WWC2: variants seen among roughly 807,000 people sequenced by gnomAD.
WWC2 encodes the protein protein WWC2.
A neutral mutation model predicts 138.5 loss-of-function variants in WWC2; 101 were observed. The observed-to-expected ratio is 0.73, with a 90% confidence interval of 0.62 to 0.86. The LOEUF (loss-of-function observed/expected upper bound fraction) is 0.86. WWC2 is among the 40% of genes least tolerant of loss of function. The pLI, the probability that WWC2 is intolerant of heterozygous loss-of-function variation, is 0.00. For missense variants in WWC2, 1,420 were observed against 1,419.4 expected, an observed-to-expected ratio of 1.00 and a Z score of -0.01; for synonymous variants, 558 against 538.4, an observed-to-expected ratio of 1.04 and a Z score of -0.50.
intron 1 of WWC2, among the ~76,000 whole-genome samples, chr4:183,151,839 C>A (rs978833109): frequency 3.9e-5 from 6 of 152,196 alleles, no homozygotes; most frequent in Non-Finnish European, 8.8e-5. Flanking sequence ...TGTCAAAGAT[C>A]AGATGGTTGT....
chr4:183,187,548 G>A (rs1292723544), intron 1 of WWC2, among the ~76,000 whole-genome samples: 23 of 27,282 alleles, frequency 8.4e-4, no homozygotes, highest in African/African-American at 3.0e-3. Context: ...ACGAGACTCC[G>A]TCTCAAAATA....
At chr4:183,152,516 G>A (rs1329284787) in intron 1 of WWC2, among the ~76,000 whole-genome samples, 25 of 143,348 alleles carry the variant, frequency 1.7e-4, no homozygotes, top group Non-Finnish European at 2.9e-4. Flanking sequence ...AAAGAAAAAA[G>A]GTAAAGTGAA....
At chr4:183,232,352 A>G (rs1436144654) in intron 4 of WWC2, among the ~76,000 whole-genome samples, 1 of 152,146 alleles carries the variant, frequency 6.6e-6, no homozygotes, top group Non-Finnish European at 1.5e-5. Flanking sequence ...CCATTATTGC[A>G]ATCTAACTGT....
chr4:183,121,566 T>C (rs1310732932), intron 1 of WWC2, among the ~76,000 whole-genome samples: 1 of 152,134 alleles, frequency 6.6e-6, no homozygotes, highest in Non-Finnish European at 1.5e-5. Flanking sequence ...ATTTATAATT[T>C]TGATAGATTG....
chr4:183,288,543 TC>T (rs1303713489), intron 20 of WWC2, among the ~76,000 whole-genome samples: 5 of 152,132 alleles, frequency 3.3e-5, no homozygotes, highest in African/African-American at 1.2e-4. Flanking sequence ...TTCCCTGACT[TC>T]CTGTGCACTT....
At chr4:183,142,744 C>G (rs975230565) in intron 1 of WWC2, among the ~76,000 whole-genome samples, 5 of 152,174 alleles carry the variant, frequency 3.3e-5, no homozygotes, top group African/African-American at 1.2e-4. Context: ...ATGAGAAGCC[C>G]TGGACTAGAG....
chr4:183,178,631 A>C (rs1477628448), intron 1 of WWC2, among the ~76,000 whole-genome samples: 1 of 151,704 alleles, frequency 6.6e-6, no homozygotes, highest in African/African-American at 2.4e-5. Context: ...GAAGCACCAG[A>C]TACTTCCCCA....
intron 1 of WWC2, among the ~76,000 whole-genome samples, chr4:183,132,457 CTT>C (rs761800223): frequency 7.0e-5 from 10 of 142,508 alleles, no homozygotes; most frequent in Admixed American, 7.0e-5. Flanking sequence ...TTTTCTGTTT[CTT>C]TTTTTTTTTT....
intron 21 of WWC2, among the ~76,000 whole-genome samples, chr4:183,302,124 T>G (rs1345445488): frequency 6.6e-6 from 1 of 152,262 alleles, no homozygotes. Flanking sequence ...AAACACACAC[T>G]TTTATGCATA....
chr4:183,257,563 A>G (rs1309595399), intron 9 of WWC2, among the ~76,000 whole-genome samples: 1 of 152,184 alleles, frequency 6.6e-6, no homozygotes. Context: ...TTGGAGAAGA[A>G]CCTAGAGAGA....
In WWC2 at chr4:183,273,583, G is replaced by A. The variant is rs574945269; in HGVS notation, c.2562+2342G>A. Reference sequence around the variant, plus strand: ...CTCCCAAAGTGCTGGGATTACAGGCGTGAGCCACCGCACCCAGCCTGTTTA... The same window carrying A: ...CTCCCAAAGTGCTGGGATTACAGGCATGAGCCACCGCACCCAGCCTGTTTA... On this transcript the variant is annotated intron_variant, in intron 16 of 22. Transcript: ENST00000403733. Among the ~76,000 whole-genome samples, 373 of 152,248 alleles carry A rather than the reference G, an allele frequency of 2.4e-3. 1 individual carries two copies. The highest frequency in any genetic ancestry group is 8.7e-3 in the African/African-American group (360 of 41,568).
chr4:183,271,312 T>C, intron 16 of WWC2, 71 bp downstream of exon 16: 2 of 1,267,618 alleles, frequency 1.6e-6, no homozygotes, highest in Non-Finnish European at 1.0e-6. Flanking sequence ...ATGAAAGTAA[T>C]ATGAAATATG....
intron 2 of WWC2, among the ~76,000 whole-genome samples, chr4:183,200,047 G>A (rs1215209963): frequency 6.6e-6 from 1 of 152,098 alleles, no homozygotes; most frequent in Non-Finnish European, 1.5e-5. Context: ...GGTGGCTTTG[G>A]GAACCCTCTT....
intron 4 of WWC2, among the ~76,000 whole-genome samples, chr4:183,232,658 A>AT (rs886197434): frequency 6.6e-6 from 1 of 152,110 alleles, no homozygotes; most frequent in Middle Eastern, 3.4e-3. Flanking sequence ...GTTTTATTTT[A>AT]TTTTTTTGAG....
chr4:183,221,338 T>A (rs952939422), intron 4 of WWC2, among the ~76,000 whole-genome samples: 1 of 152,216 alleles, frequency 6.6e-6, no homozygotes, highest in Non-Finnish European at 1.5e-5. Context: ...AAATCTCTAA[T>A]TATAGTTGGA....
At chr4:183,309,198 C>A (rs1408047229) in intron 21 of WWC2, among the ~76,000 whole-genome samples, 1 of 152,174 alleles carries the variant, frequency 6.6e-6, no homozygotes, top group Non-Finnish European at 1.5e-5. Flanking sequence ...ATATACAACA[C>A]AACATCAGAG....
Position 183,100,621 on chromosome 4 carries a change from C to G in WWC2, c.131+999C>G, listed in dbSNP as rs1479908157. On this transcript the variant is annotated intron_variant, in intron 1 of 22. Transcript: ENST00000403733. ...AATGTGGCCCTTTGGGCTTTATATACTTTTTAGGTGCTTCTCCTATTTAAC... is the reference window on the plus strand; with the variant it reads ...AATGTGGCCCTTTGGGCTTTATATAGTTTTTAGGTGCTTCTCCTATTTAAC... Among the ~76,000 whole-genome samples, 5 of 152,148 alleles carry G rather than the reference C, an allele frequency of 3.3e-5. No individual in the cohort carries two copies. The East Asian group carries it at 7.7e-4, about 23-fold the overall frequency.
In WWC2 at chr4:183,319,914, A is replaced by G. The variant is rs752919764; in HGVS notation, c.*4185A>G. ...ACTCTCTCCAATTCTCAAACAGTCC[A>G]GGCCAAACCCAGAGACCAGCAGGCC... On this transcript the variant is annotated 3_prime_UTR_variant, in exon 23 of 23. Coordinates refer to ENST00000403733, the MANE Select transcript of WWC2 (RefSeq NM_024949.6). 1.2e-6 allele frequency: 2 copies of G among 1,613,910 alleles called. No individual in the cohort carries two copies. The highest frequency in any genetic ancestry group is 1.1e-5 in the South Asian group (1 of 91,068).
intron 21 of WWC2, among the ~76,000 whole-genome samples, chr4:183,289,943 TCTC>T (rs141529728): frequency 0.015 from 2,315 of 152,012 alleles, 48 homozygotes; most frequent in African/African-American, 0.053. Flanking sequence ...AGTCATAATT[TCTC>T]CTCCATATTG....
Sources: allele counts gnomAD v4.1 joint callset (sites outside exome capture counted in the v4.1 genomes callset), GRCh38; gene constraint gnomAD v4.1.1; transcripts MANE v1.5; gene names NCBI Gene and HGNC (gene_info 2026-07-23, HGNC 2026-07-21).